Variants in DUOX1 observed in about 807,000 individuals in gnomAD.
DUOX1 encodes the protein NADPH thyroid oxidase 1.
In DUOX1, 134 loss-of-function variants were observed where a neutral mutation model predicts 181.8. That is an observed-to-expected ratio of 0.74 (90% CI 0.64 to 0.85). The LOEUF (loss-of-function observed/expected upper bound fraction) is 0.85. Ranked by LOEUF, DUOX1 falls within the 40% of genes least tolerant of loss-of-function variation. DUOX1 has a pLI of 0.00. For missense variants in DUOX1, 1,814 were observed against 2,064.4 expected, an observed-to-expected ratio of 0.88 and a Z score of 2.35; for synonymous variants, 798 against 832.5, an observed-to-expected ratio of 0.96 and a Z score of 0.71.
intron 20 of DUOX1, 125 bp from the exon 21 acceptor site, chr15:45,148,147 G>T: frequency 6.8e-7 from 1 of 1,472,730 alleles, no homozygotes; most frequent in Non-Finnish European, 9.4e-7. Flanking sequence ...CAGGGGGCTT[G>T]GGATGTGGCC....
intron 22 of DUOX1, among the ~76,000 whole-genome samples, 168 bp from the exon 23 acceptor site, chr15:45,150,955 G>A (rs1486656696): frequency 1.3e-5 from 2 of 152,194 alleles, no homozygotes; most frequent in East Asian, 1.9e-4. Flanking sequence ...CCTTAGCGAG[G>A]ACCCCCAAGA....
Position 45,163,843 on chromosome 15 carries a change from C to A in DUOX1, c.4458C>A (p.Gly1486=). ...TTCTGAACCGGAGTCTATTCACAGG[C>A]CTGCGCTCCATCACCCACTTTGGCC... ...QKVLNRSLFT[G]LRSITHFGRP... The change falls in exon 33 of 34, where the codon GGC becomes GGA. Residue 1486 remains glycine, a synonymous_variant. Coordinates refer to ENST00000389037, the MANE Select transcript of DUOX1 (RefSeq NM_175940.3). The A allele has an allele frequency of 3.1e-6, 5 of 1,614,130 alleles. No homozygotes were observed. Among genetic ancestry groups the A allele is most frequent in the Non-Finnish European group, 3.4e-6 (4 of 1,180,012 alleles).
In DUOX1 at chr15:45,154,552, A is replaced by G. The variant is rs1448921543; in HGVS notation, c.3574+552A>G. Among the ~76,000 whole-genome samples the G allele has an allele frequency of 2.0e-5, 3 of 151,324 alleles. No individual in the cohort carries two copies. The East Asian group carries it at 5.8e-4, about 29-fold the overall frequency. On this transcript the variant is annotated intron_variant, in intron 27 of 33. Transcript: ENST00000389037. ...TTTCAGTCTGTTCCTTCCTTGGAGT[A>G]ACATAATTTCTATACTGGCTCCTCT...
chr15:45,165,130 T>A lies in DUOX1; in HGVS notation c.*229T>A. ...GGGGGGCAGTGTCTAGGGACTAGAG[T>A]GAGAAGTAGGGGAGCTACTGATTTG... is the stretch of plus-strand genomic sequence containing the variant. On this transcript the variant is annotated 3_prime_UTR_variant, in exon 34 of 34. Transcript: ENST00000389037. The A allele has an allele frequency of 1.7e-6, 1 of 571,552 alleles. No individual in the cohort carries two copies. Among genetic ancestry groups the A allele is most frequent in the Admixed American group, 3.2e-5 (1 of 31,676 alleles). The allele number at this position is 571,552 out of a possible 1,614,324, so 35.4% of individuals were successfully genotyped here.
Position 45,164,988 on chromosome 15 carries a change from C to T in DUOX1, c.*87C>T. ...CTCTGTTCTTCCTATTTCTGGCTGC[C>T]TCAGCCTTCTCTGATTTCCCACCTC... On this transcript the variant is annotated 3_prime_UTR_variant, in exon 34 of 34. Coordinates refer to ENST00000389037, the MANE Select transcript of DUOX1 (RefSeq NM_175940.3). 1 of 1,458,464 alleles carries T rather than the reference C, an allele frequency of 6.9e-7. No individual in the cohort carries two copies. Among genetic ancestry groups the T allele is most frequent in the Non-Finnish European group, 9.5e-7 (1 of 1,054,278 alleles). The allele number at this position is 1,458,464 out of a possible 1,614,324, so 90.3% of individuals were successfully genotyped here. A position where few individuals can be genotyped will look rare whatever the true frequency, so the allele number is the denominator to read the frequency against.
intron 10 of DUOX1, chr15:45,138,725 T>G: frequency 4.5e-6 from 1 of 223,088 alleles, no homozygotes; most frequent in Non-Finnish European, 8.7e-6. Context: ...AGAGAGGGCC[T>G]GTGACTTGCC....
At position 45,135,546 on chromosome 15, in the gene DUOX1, C is replaced by A; in HGVS notation, c.568C>A (p.Arg190=). ...GSSHSWSDAL[R]SFSRGQLASG... is the part of the protein sequence containing the mutation. ...CTCGCATTCCTGGAGCGACGCGCTG[C>A]GGAGCTTCTCCAGGGGACAGCTGGC... Residue 190 remains arginine (R), a synonymous_variant, in exon 6 of 34, where the codon CGG becomes AGG. Coordinates refer to ENST00000389037, the MANE Select transcript of DUOX1 (RefSeq NM_175940.3). 1 of 1,558,518 alleles carries A rather than the reference C, an allele frequency of 6.4e-7. No homozygotes were observed.
intron 25 of DUOX1, 105 bp from the exon 26 acceptor site, chr15:45,153,275 T>G (rs1896864259): frequency 2.6e-6 from 2 of 771,298 alleles, no homozygotes; most frequent in East Asian, 5.2e-5. Context: ...CCTAAGGTAC[T>G]TCTCTGGGAC....
At position 45,151,925 on chromosome 15, in the gene DUOX1, C is replaced by T. The variant is rs765901203; in HGVS notation, c.3066C>T (p.Phe1022=). 4 of 1,614,098 alleles carry T rather than the reference C, an allele frequency of 2.5e-6. No individual in the cohort carries two copies. In the South Asian group the frequency reaches 3.3e-5, roughly 13 times the overall value. The change falls in exon 24 of 34, where the codon TTC becomes TTT. Residue 1022 remains phenylalanine, a synonymous_variant. Coordinates refer to ENST00000389037, the MANE Select transcript of DUOX1 (RefSeq NM_175940.3). ...TCACTGAGGCGCACCGAGAGAAGTT[C>T]CAACGCAGCTGTCTCCACCAGACGG... is the stretch of plus-strand genomic sequence containing the variant. The part of the protein sequence containing the change: ...LLFTEAHREK[F]QRSCLHQTVQ...
rs1743798773 is a variant in DUOX1, at chr15:45,148,089, G to A, written c.2642+92G>A. 4.9e-6 allele frequency: 7 copies of A among 1,431,934 alleles called. No homozygotes were observed. The South Asian group carries it at 8.0e-5, about 16-fold the overall frequency. 88.7% of individuals were successfully genotyped at this position (1,431,934 alleles called of 1,614,324 possible). A position where few individuals can be genotyped will look rare whatever the true frequency, so the allele number is the denominator to read the frequency against. On this transcript the variant is annotated intron_variant, in intron 20 of 33. Coordinates refer to ENST00000389037, the MANE Select transcript of DUOX1 (RefSeq NM_175940.3). ...TGAAGGAGAGAGCAGAAGGGCCAAGGAAGGAAGCCTCCTCCTTACCCATGT... is the reference window on the plus strand; with the variant it reads ...TGAAGGAGAGAGCAGAAGGGCCAAGAAAGGAAGCCTCCTCCTTACCCATGT...
At chr15:45,132,397 T>C (rs972712428) in intron 2 of DUOX1, among the ~76,000 whole-genome samples, 1 of 152,200 alleles carries the variant, frequency 6.6e-6, no homozygotes. Flanking sequence ...TGGGGTCAGA[T>C]TGGACCCAAA....
chr15:45,141,220 T>A, intron 13 of DUOX1, 72 bp from the exon 14 acceptor site: 1 of 1,583,798 alleles, frequency 6.3e-7, no homozygotes, highest in Non-Finnish European at 8.7e-7. Context: ...CTCACCTGGG[T>A]CCTTGGGCCT....
rs1896954172 is a variant in DUOX1 at position 45,155,727 on chromosome 15, G to A, written c.3575-75G>A. ...CAACTTGGGCAGTGGAGTGGAGAGGGGACCTTGGAAGCTCCAGAACAGTTC... is the reference window on the plus strand; with the variant it reads ...CAACTTGGGCAGTGGAGTGGAGAGGAGACCTTGGAAGCTCCAGAACAGTTC... On this transcript the variant is annotated intron_variant, in intron 27 of 33. Transcript: ENST00000389037. 5.0e-6 allele frequency: 8 copies of A among 1,601,256 alleles called. No homozygotes were observed. The South Asian group carries it at 7.8e-5, about 16-fold the overall frequency.
At position 45,151,205 on chromosome 15, in the gene DUOX1, GAC is replaced by G; in HGVS notation, c.2975_2976del (p.Thr992ArgfsTer24). On this transcript the variant is annotated frameshift_variant, in exon 23 of 34. Coordinates refer to ENST00000389037, the MANE Select transcript of DUOX1 (RefSeq NM_175940.3). LOFTEE classifies it high-confidence loss of function. ...LTPQRLQCPM[D>X]TDPPQEIRRR... ...ACCTCAGAGACTGCAGTGCCCCATG[GAC>G]ACAGACCCTCCCCAGGAGATTCGGC... The G allele has an allele frequency of 6.2e-7, 1 of 1,614,182 alleles. No individual in the cohort carries two copies. Among genetic ancestry groups the G allele is most frequent in the Non-Finnish European group, 8.5e-7 (1 of 1,180,036 alleles).
chr15:45,153,896 AAAAAGAG>A, intron 26 of DUOX1, 48 bp from the exon 27 acceptor site: 2 of 1,512,916 alleles, frequency 1.3e-6, no homozygotes, highest in African/African-American at 1.4e-5. Context: ...CAAAAAAAAA[AAAAAGAG>A]AGAGAGATCT....
rs2034910351 is a variant in DUOX1, at chr15:45,144,271, GC to G, written c.2136+38del. On this transcript the variant is annotated intron_variant, in intron 17 of 33. Transcript: ENST00000389037. Reference sequence around the variant, plus strand: ...GCTGGCATCTGGCTCCTTGTCCACAGCCAAGGCCAGGGAGGCAGCCAGGTGG... The same window carrying G: ...GCTGGCATCTGGCTCCTTGTCCACAGCAAGGCCAGGGAGGCAGCCAGGTGG... 3.7e-6 allele frequency: 6 copies of G among 1,610,430 alleles called. No individual in the cohort carries two copies. The Middle Eastern group carries it at 1.0e-3, about 272-fold the overall frequency.
chr15:45,134,347 G>A (rs753005620), intron 4 of DUOX1, 38 bp downstream of exon 4: 32 of 1,559,138 alleles, frequency 2.1e-5, no homozygotes, highest in Non-Finnish European at 2.6e-5. Flanking sequence ...AGCCGGTGGG[G>A]TCGGCTGGAC....
At chr15:45,162,793 G>A (rs1897140905) in intron 31 of DUOX1, among the ~76,000 whole-genome samples, 1 of 152,242 alleles carries the variant, frequency 6.6e-6, no homozygotes, top group African/African-American at 2.4e-5. Context: ...CAGCTCTCAA[G>A]AGGAACAGGA....
rs779696519 is a variant in DUOX1, at chr15:45,161,891, G to A, written c.4010G>A (p.Arg1337Gln). 6.8e-6 allele frequency: 11 copies of A among 1,613,762 alleles called. No individual in the cohort carries two copies. The highest frequency in any genetic ancestry group is 9.3e-6 in the Non-Finnish European group (11 of 1,179,966). ...PHEDTLSLHIRAAGPWTTRLR... is the reference protein window; with the variant it reads ...PHEDTLSLHIQAAGPWTTRLR... The stretch of plus-strand genomic sequence containing the variant: ...GAGGACACGCTTAGCCTGCACATCC[G>A]GGCAGCAGGGCCCTGGACCACTCGC... The change falls in exon 30 of 34, where the codon CGG becomes CAG. Residue 1337 changes from arginine (R) to glutamine (Q), a missense_variant. By Grantham distance (43) the Arg-to-Gln change is conservative. This residue lies in a region of DUOX1 where 279 missense variants were observed against 381.9 expected (regional missense o/e 0.73). Transcript: ENST00000389037.
Sources: gnomAD v4.1 joint callset for allele counts (sites outside exome capture counted in the v4.1 genomes callset) on GRCh38, gnomAD v4.1.1 for gene constraint, gnomAD v4.1.1 regional missense constraint, MANE v1.5 for transcripts, NCBI Gene and HGNC (gene_info 2026-07-23, HGNC 2026-07-21) for gene names.